The following SYNE2 variants were observed in gnomAD, a reference collection of about 807,000 sequenced individuals.
SYNE2 encodes the protein nesprin-2.
SYNE2 carries 431 observed loss-of-function variants against 856.3 expected under a neutral mutation model. The observed-to-expected ratio is 0.50, with a 90% CI of 0.47 to 0.55. SYNE2 has a LOEUF of 0.55. Ranked by LOEUF, SYNE2 falls within the 20% of genes least tolerant of loss-of-function variation. The pLI is 0.00. For missense variants in SYNE2, 8,129 were observed against 8,023.2 expected (o/e 1.01, Z -0.50); for synonymous variants, 2,923 against 2,872.3 (o/e 1.02, Z -0.56).
intron 2 of SYNE2, among the ~76,000 whole-genome samples, chr14:63,938,333 G>A (rs988498864): frequency 6.6e-6 from 1 of 152,164 alleles, no homozygotes; most frequent in Non-Finnish European, 1.5e-5. Flanking sequence ...GTACACGCCT[G>A]TAGTCCCAGC....
chr14:64,207,501 C>G (rs568978610), intron 100 of SYNE2, among the ~76,000 whole-genome samples: 3 of 150,434 alleles, frequency 2.0e-5, no homozygotes, highest in Non-Finnish European at 4.4e-5. Context: ...TAGAGGTTTC[C>G]GTGAGCCAAG....
chr14:64,036,794 C>T (rs1469217597), intron 45 of SYNE2, among the ~76,000 whole-genome samples: 2 of 152,118 alleles, frequency 1.3e-5, no homozygotes, highest in Non-Finnish European at 2.9e-5. Flanking sequence ...GGTTTACATT[C>T]TCTGGTTTGA....
rs2153731234 is a variant in SYNE2, at chr14:64,174,988, A to C, written c.17280A>C (p.Leu5760=). 1 of 1,614,176 alleles carries C rather than the reference A, an allele frequency of 6.2e-7. No individual in the cohort carries two copies. The highest frequency in any genetic ancestry group is 8.5e-7 in the Non-Finnish European group (1 of 1,180,020). The change falls in exon 95 of 116, where the codon CTA becomes CTC. Residue 5760 remains leucine, a synonymous_variant. Transcript: ENST00000555002. ...HFQRRRTTCA[L]TLEAGEKLLL... ...AAAGGAGGCGAACTACCTGTGCCCTAACCTTGGAAGCTGGAGAAAAGTTAC... is the reference window on the plus strand; with the variant it reads ...AAAGGAGGCGAACTACCTGTGCCCTCACCTTGGAAGCTGGAGAAAAGTTAC...
At position 64,146,167 on chromosome 14, in the gene SYNE2, A is replaced by G; in HGVS notation, c.15583A>G (p.Thr5195Ala). 3.1e-6 allele frequency: 5 copies of G among 1,613,096 alleles called. No homozygotes were observed. The highest frequency in any genetic ancestry group is 4.2e-6 in the Non-Finnish European group (5 of 1,179,700). Residue 5195 changes from threonine (T) to alanine (A), a missense_variant, in exon 84 of 116, where the codon ACT becomes GCT. Around this residue, in one of 3 missense-constraint regions of SYNE2, gnomAD observed 5,410 missense variants for 5,284.8 expected, o/e 1.02. Coordinates refer to ENST00000555002, the MANE Select transcript of SYNE2 (RefSeq NM_182914.3). ...WLEAQEERLK[T>A]LQKPESVISV... ...GGAAGCACAAGAAGAGAGACTGAAA[A>G]CTTTACAAAAACCTGAAAGTGTGAT...
chr14:64,152,792 G>A (rs976656723), intron 85 of SYNE2, 76 bp downstream of exon 85: 26 of 1,578,914 alleles, frequency 1.6e-5, no homozygotes, highest in Middle Eastern at 1.7e-4. Flanking sequence ...AGTTGTTTTC[G>A]TCCTTTACTC....
At chr14:63,819,199 T>G (rs1252279903) in intron 1 of SYNE2, among the ~76,000 whole-genome samples, 1 of 152,106 alleles carries the variant, frequency 6.6e-6, no homozygotes, top group Non-Finnish European at 1.5e-5. Context: ...GGATACAAGA[T>G]TAACATACAA....
chr14:63,911,804 T>C (rs1387448506), intron 2 of SYNE2, among the ~76,000 whole-genome samples: 1 of 152,220 alleles, frequency 6.6e-6, no homozygotes, highest in Non-Finnish European at 1.5e-5. Flanking sequence ...TTAAGTAATA[T>C]TAGTGATCTC....
At chr14:64,181,978 G>C (rs556111998) in intron 96 of SYNE2, among the ~76,000 whole-genome samples, 1 of 152,274 alleles carries the variant, frequency 6.6e-6, no homozygotes, top group African/African-American at 2.4e-5. Context: ...CTCCACAGAA[G>C]CAATCAATGT....
intron 1 of SYNE2, among the ~76,000 whole-genome samples, chr14:63,875,302 A>T (rs902193120): frequency 1.3e-5 from 2 of 152,208 alleles, no homozygotes. Flanking sequence ...ATAATGCAGC[A>T]TGTGATATAG....
Position 64,053,662 on chromosome 14 carries a change from G to A in SYNE2, c.9744+5G>A. 2 of 1,612,040 alleles carry A rather than the reference G, an allele frequency of 1.2e-6. No homozygotes were observed. Among genetic ancestry groups the A allele is most frequent in the Non-Finnish European group, 8.5e-7 (1 of 1,178,770 alleles). ...ACAAGCATTGATTTGCGCACAGTAA[G>A]TTTTAAAAATTATGCAGTTAGTGGC... On this transcript the variant is annotated splice_donor_5th_base_variant and intron_variant, in intron 48 of 115. Transcript: ENST00000555002.
intron 1 of SYNE2, among the ~76,000 whole-genome samples, chr14:63,863,997 A>AT (rs1211674597): frequency 1.3e-5 from 2 of 151,630 alleles, no homozygotes; most frequent in South Asian, 2.1e-4. Flanking sequence ...AATTTTTTGT[A>AT]TTTTTCGTAG....
At chr14:63,894,476 C>T (rs2095211629) in intron 1 of SYNE2, among the ~76,000 whole-genome samples, 2 of 152,058 alleles carry the variant, frequency 1.3e-5, no homozygotes, top group Admixed American at 1.3e-4. Flanking sequence ...CCTGCCGTGG[C>T]CTCCAAAGTG....
chr14:63,917,718 C>G (rs974868312), intron 2 of SYNE2, among the ~76,000 whole-genome samples: 1 of 152,186 alleles, frequency 6.6e-6, no homozygotes, highest in African/African-American at 2.4e-5. Flanking sequence ...GATCTGCCTG[C>G]CTTGGCCTCC....
chr14:63,867,788 T>A (rs1895816506), intron 1 of SYNE2, among the ~76,000 whole-genome samples: 1 of 151,952 alleles, frequency 6.6e-6, no homozygotes, highest in African/African-American at 2.4e-5. Context: ...CCAGCCAAGG[T>A]GGTTCATGCC....
At position 64,021,315 on chromosome 14, in the gene SYNE2, G is replaced by T; in HGVS notation, c.5152G>T (p.Val1718Phe). 1 of 1,612,582 alleles carries T rather than the reference G, an allele frequency of 6.2e-7. No homozygotes were observed. Among genetic ancestry groups the T allele is most frequent in the Admixed American group, 1.7e-5 (1 of 60,014 alleles). The stretch of plus-strand genomic sequence containing the variant: ...AACTTCATATATTTCATGATTTCAG[G>T]TCATGGAGTCCTCTATTTTGAACAA... ...QSSEIPLELQ[V>F]MESSILNKME... The change falls in exon 36 of 116, where the codon GTC becomes TTC. Residue 1718 changes from valine to phenylalanine, a missense_variant and splice_region_variant. Val to Phe is a conservative substitution (Grantham distance 50). This residue lies in a region of SYNE2 where 2,422 missense variants were observed against 2,357.4 expected (regional missense o/e 1.03). Coordinates refer to ENST00000555002, the MANE Select transcript of SYNE2 (RefSeq NM_182914.3).
chr14:64,147,954 A>G (rs1567461027), intron 84 of SYNE2, among the ~76,000 whole-genome samples: 1 of 152,206 alleles, frequency 6.6e-6, no homozygotes, highest in South Asian at 2.1e-4. Context: ...TAGCCAATCC[A>G]TGGATCTTGA....
intron 1 of SYNE2, among the ~76,000 whole-genome samples, chr14:63,818,636 T>G (rs778481615): frequency 9.2e-5 from 14 of 151,802 alleles, no homozygotes; most frequent in Non-Finnish European, 1.5e-4. Context: ...GGTAAAAGAT[T>G]AAAGGTTTTT....
At chr14:64,191,942 TTACATCAGA>T (rs1313329293) in intron 99 of SYNE2, among the ~76,000 whole-genome samples, 1 of 152,244 alleles carries the variant, frequency 6.6e-6, no homozygotes, top group East Asian at 1.9e-4. Context: ...TCTAATTGGC[TTACATCAGA>T]GGCCGCTGGT....
intron 1 of SYNE2, among the ~76,000 whole-genome samples, chr14:63,831,549 C>CTTTTTTTTTTTTTT (rs1211983068): frequency 1.4e-5 from 1 of 69,548 alleles, no homozygotes; most frequent in Non-Finnish European, 2.5e-5. Flanking sequence ...AATGTTCATT[C>CTTTTTTTTTTTTTT]TTTTTTTTTT....
Sources: allele counts gnomAD v4.1 joint callset (sites outside exome capture counted in the v4.1 genomes callset), GRCh38; gene constraint gnomAD v4.1.1; regional missense constraint gnomAD v4.1.1; transcripts MANE v1.5; gene names NCBI Gene and HGNC (gene_info 2026-07-23, HGNC 2026-07-21).